CNBD1: variants seen among roughly 807,000 people sequenced by gnomAD.
CNBD1 encodes the protein cyclic nucleotide binding domain containing 1, also known as cyclic nucleotide-binding domain-containing protein 1.
A neutral mutation model predicts 54.4 loss-of-function variants in CNBD1; 71 were observed. That is an observed-to-expected ratio of 1.30 (90% CI 1.08 to 1.59). The LOEUF is 1.59. CNBD1 is among the 40% of genes most tolerant of loss of function. The pLI is 0.00. For synonymous variants in CNBD1, 182 were observed against 170.7 expected (o/e 1.07, Z -0.51); for missense variants, 659 against 518.0 (o/e 1.27, Z -2.64).
chr8:87,144,655 C>T (rs370841756), intron 4 of CNBD1, among the ~76,000 whole-genome samples: 6 of 151,982 alleles, frequency 3.9e-5, no homozygotes, highest in African/African-American at 1.4e-4. Flanking sequence ...AACACCATCT[C>T]TACTAAAAAT....
intron 4 of CNBD1, among the ~76,000 whole-genome samples, chr8:87,193,973 G>A (rs1435121668): frequency 1.3e-5 from 2 of 152,142 alleles, no homozygotes; most frequent in Non-Finnish European, 2.9e-5. Context: ...TGTCTCCTAA[G>A]GAACAGGGCC....
chr8:87,379,717 A>T (rs1330635898), intron 10 of CNBD1, among the ~76,000 whole-genome samples: 1 of 151,962 alleles, frequency 6.6e-6, no homozygotes, highest in Non-Finnish European at 1.5e-5. Flanking sequence ...TTTTTTTAAG[A>T]AATACGTTTA....
chr8:87,074,078 G>A (rs1810814334), intron 4 of CNBD1, among the ~76,000 whole-genome samples: 1 of 148,238 alleles, frequency 6.7e-6, no homozygotes, highest in African/African-American at 2.5e-5. Context: ...TCCAGCCTGG[G>A]TGACAGAGCG....
intron 10 of CNBD1, among the ~76,000 whole-genome samples, chr8:87,379,472 T>C (rs1811028138): frequency 6.6e-6 from 1 of 151,824 alleles, no homozygotes; most frequent in Non-Finnish European, 1.5e-5. Context: ...ATTGACCACA[T>C]ACTGGGAAGT....
chr8:87,342,852 G>GCATTGTCT (rs1302122552), intron 8 of CNBD1, among the ~76,000 whole-genome samples: 1 of 152,114 alleles, frequency 6.6e-6, no homozygotes, highest in Non-Finnish European at 1.5e-5. Flanking sequence ...CACTGTGCAC[G>GCATTGTCT]CATTGTCTTG....
intron 8 of CNBD1, among the ~76,000 whole-genome samples, chr8:87,342,358 C>G (rs1217044290): frequency 6.6e-6 from 1 of 151,818 alleles, no homozygotes; most frequent in Non-Finnish European, 1.5e-5. Flanking sequence ...TCTGGTGCTT[C>G]CTATTCCACT....
At chr8:87,352,640 A>G (rs1373345196) in intron 9 of CNBD1, among the ~76,000 whole-genome samples, 2 of 152,176 alleles carry the variant, frequency 1.3e-5, no homozygotes, top group African/African-American at 2.4e-5. Flanking sequence ...AAGAATCTCA[A>G]ACATACTATG....
intron 4 of CNBD1, among the ~76,000 whole-genome samples, chr8:86,962,419 G>C (rs1807954352): frequency 2.6e-5 from 4 of 152,018 alleles, no homozygotes; most frequent in Admixed American, 2.6e-4. Flanking sequence ...CATGCCAAAT[G>C]GCCATTTGAA....
chr8:86,961,959 T>G (rs1477950134), intron 4 of CNBD1, among the ~76,000 whole-genome samples: 1 of 152,092 alleles, frequency 6.6e-6, no homozygotes, highest in Non-Finnish European at 1.5e-5. Context: ...TTGCTAACCC[T>G]AGGGGTGGAG....
chr8:87,319,656 G>C, intron 8 of CNBD1, among the ~76,000 whole-genome samples: 1 of 152,122 alleles, frequency 6.6e-6, no homozygotes, highest in East Asian at 1.9e-4. Context: ...AACTAAATGT[G>C]TTGTTACAGA....
chr8:86,899,587 C>A (rs1808901632), intron 2 of CNBD1, among the ~76,000 whole-genome samples: 1 of 152,048 alleles, frequency 6.6e-6, no homozygotes. Context: ...CCTTTATTTT[C>A]ATAAAGATTT....
At chr8:86,954,909 G>T (rs1300925538) in intron 4 of CNBD1, among the ~76,000 whole-genome samples, 2 of 152,036 alleles carry the variant, frequency 1.3e-5, no homozygotes, top group Admixed American at 1.3e-4. Context: ...ATGTATATAT[G>T]TGCCATGTTG....
At chr8:87,018,549 C>T (rs1020212364) in intron 4 of CNBD1, among the ~76,000 whole-genome samples, 4 of 152,078 alleles carry the variant, frequency 2.6e-5, no homozygotes, top group Admixed American at 6.6e-5. Flanking sequence ...AGTTGGTACC[C>T]TAAAGGAGTA....
At chr8:86,991,570 A>C (rs931125892) in intron 4 of CNBD1, among the ~76,000 whole-genome samples, 9 of 152,018 alleles carry the variant, frequency 5.9e-5, no homozygotes, top group African/African-American at 1.9e-4. Context: ...GAATTGGTCT[A>C]CTATTTTCCC....
At chr8:87,299,143 A>G (rs780833897) in intron 8 of CNBD1, among the ~76,000 whole-genome samples, 3 of 152,174 alleles carry the variant, frequency 2.0e-5, no homozygotes, top group Non-Finnish European at 4.4e-5. Flanking sequence ...GAGTATCACG[A>G]CACCAGTCAG....
At chr8:87,027,340 C>T (rs993023695) in intron 4 of CNBD1, among the ~76,000 whole-genome samples, 1 of 151,964 alleles carries the variant, frequency 6.6e-6, no homozygotes, top group Non-Finnish European at 1.5e-5. Flanking sequence ...GGCGTGATCT[C>T]GGCTCACTGC....
chr8:87,407,275 A>C (rs771258475), intron 2 of CNBD1, among the ~76,000 whole-genome samples: 8 of 152,232 alleles, frequency 5.3e-5, no homozygotes, highest in African/African-American at 1.7e-4. Flanking sequence ...ATATCATTTA[A>C]TATATGGCCT....
chr8:87,121,966 G>T (rs775163295), intron 4 of CNBD1, among the ~76,000 whole-genome samples: 5 of 150,990 alleles, frequency 3.3e-5, no homozygotes, highest in Non-Finnish European at 5.9e-5. Context: ...CCTTTCATCT[G>T]CTGATGAACA....
intron 8 of CNBD1, among the ~76,000 whole-genome samples, chr8:87,303,068 A>C (rs1346873938): frequency 6.6e-6 from 1 of 151,982 alleles, no homozygotes; most frequent in Non-Finnish European, 1.5e-5. Flanking sequence ...TGCCCAAGGT[A>C]ATTTATAGAT....
Sources: gnomAD v4.1 joint callset for allele counts (sites outside exome capture counted in the v4.1 genomes callset) on GRCh38, gnomAD v4.1.1 for gene constraint, MANE v1.5 for transcripts, NCBI Gene and HGNC (gene_info 2026-07-23, HGNC 2026-07-21) for gene names.